The following TBC1D23 variants were observed in gnomAD, a reference collection of about 807,000 sequenced individuals.
The protein encoded by TBC1D23 is TBC1 domain family member 23, also known as HCV non-structural protein 4A-transactivated protein 1.
In TBC1D23, 55 loss-of-function variants were observed where a neutral mutation model predicts 91.4. That is an observed-to-expected ratio of 0.60 (90% CI 0.48 to 0.75). The LOEUF (loss-of-function observed/expected upper bound fraction) is 0.75, where lower values mean the gene tolerates loss of function less well. TBC1D23 is among the 30% of genes least tolerant of loss of function. The pLI, the probability that TBC1D23 is intolerant of heterozygous loss-of-function variation, is 0.00. For missense variants in TBC1D23, 725 were observed against 836.1 expected (o/e 0.87, Z 1.64); for synonymous variants, 289 against 281.0 (o/e 1.03, Z -0.28).
intron 10 of TBC1D23, among the ~76,000 whole-genome samples, chr3:100,299,991 T>C (rs1705394795): frequency 6.6e-6 from 1 of 152,178 alleles, no homozygotes. Context: ...TGTAATTGAG[T>C]AAGAATTCTG....
In TBC1D23 at chr3:100,323,772, G is replaced by C. The variant is rs1318391640; in HGVS notation, c.*104G>C. ...TGGAGACCTTTCATTTGCTCATGGG[G>C]CTGCTTAAATAGCAGGTCTAAGAAA... On this transcript the variant is annotated 3_prime_UTR_variant, in exon 19 of 19. Coordinates refer to ENST00000394144, the MANE Select transcript of TBC1D23 (RefSeq NM_001199198.3). The C allele has an allele frequency of 1.2e-5, 5 of 423,030 alleles. No homozygotes were observed. Among genetic ancestry groups the C allele is most frequent in the African/African-American group, 2.1e-5 (1 of 47,618 alleles). The allele number at this position is 423,030 out of a possible 1,614,324, so 26.2% of individuals were successfully genotyped here. A position where few individuals can be genotyped will look rare whatever the true frequency, so the allele number is the denominator to read the frequency against.
At chr3:100,270,212 G>A (rs1397536035) in intron 1 of TBC1D23, among the ~76,000 whole-genome samples, 1 of 152,078 alleles carries the variant, frequency 6.6e-6, no homozygotes, top group Non-Finnish European at 1.5e-5. Flanking sequence ...GCCTGTAGTA[G>A]GTGCTCAATA....
At chr3:100,269,050 G>A (rs572510169) in intron 1 of TBC1D23, among the ~76,000 whole-genome samples, 2 of 152,292 alleles carry the variant, frequency 1.3e-5, no homozygotes, top group South Asian at 4.1e-4. Flanking sequence ...TTCATGGATT[G>A]TGGATCAAAA....
rs182239303 is a variant in TBC1D23, at chr3:100,306,023, C to T, written c.1307-414C>T. ...TCTTTCCGTAACTGTTAATGGCTAACAATGCTTCTTTATTATGGGAGAGAT... is the reference window on the plus strand; with the variant it reads ...TCTTTCCGTAACTGTTAATGGCTAATAATGCTTCTTTATTATGGGAGAGAT... On this transcript the variant is annotated intron_variant, in intron 12 of 18. Coordinates refer to ENST00000394144, the MANE Select transcript of TBC1D23 (RefSeq NM_001199198.3). 4.7e-3 allele frequency among the ~76,000 whole-genome samples: 712 copies of T among 152,264 alleles called. 2 individuals carry two copies. The highest frequency in any genetic ancestry group is 6.4e-3 in the Non-Finnish European group (432 of 68,002).
At chr3:100,309,438 ACACT>A (rs1559813453) in intron 13 of TBC1D23, among the ~76,000 whole-genome samples, 1 of 152,140 alleles carries the variant, frequency 6.6e-6, no homozygotes. Context: ...TTCAGGCTCC[ACACT>A]CACATATGTG....
chr3:100,279,725 C>A lies in TBC1D23; in HGVS notation c.130C>A (p.Pro44Thr). The A allele has an allele frequency of 1.2e-6, 2 of 1,606,024 alleles. No homozygotes were observed. The highest frequency in any genetic ancestry group is 1.7e-6 in the Non-Finnish European group (2 of 1,174,346). Residue 44 changes from proline to threonine, a missense_variant, in exon 2 of 19, where the codon CCG becomes ACG. Pro to Thr is a conservative substitution (Grantham distance 38). Transcript: ENST00000394144. ...GTTGAGAAATATAATTCAAGGAAGA[C>A]CGCTGCCTGCTGATCTGAGGGCCAA... ...ETLRNIIQGR[P>T]LPADLRAKVW...
At chr3:100,275,809 A>G (rs1263753802) in intron 1 of TBC1D23, among the ~76,000 whole-genome samples, 1 of 152,244 alleles carries the variant, frequency 6.6e-6, no homozygotes, top group Non-Finnish European at 1.5e-5. Context: ...GTATATTCAT[A>G]TACAATGGAC....
chr3:100,281,876 G>A, intron 3 of TBC1D23, 29 bp downstream of exon 3: 1 of 1,428,660 alleles, frequency 7.0e-7, no homozygotes, highest in Non-Finnish European at 9.7e-7. Flanking sequence ...TTCAAGCAGA[G>A]TTAAATTTTG....
chr3:100,263,347 G>A (rs1180173803), intron 1 of TBC1D23, among the ~76,000 whole-genome samples: 1 of 152,186 alleles, frequency 6.6e-6, no homozygotes, highest in Non-Finnish European at 1.5e-5. Flanking sequence ...GGCGGGGCAG[G>A]GCATATTCAC....
At chr3:100,282,585 A>G (rs1312673804) in intron 3 of TBC1D23, among the ~76,000 whole-genome samples, 2 of 152,184 alleles carry the variant, frequency 1.3e-5, no homozygotes, top group Non-Finnish European at 2.9e-5. Context: ...AATGTGGATG[A>G]ATTTAGTTTA....
chr3:100,261,000 G>C lies in TBC1D23; in HGVS notation c.-19G>C. ...CGCCGGATCCACTTTTCGGCAAAGTGACGTGGACGTCAACAGCAATGGCGG... is the reference window on the plus strand; with the variant it reads ...CGCCGGATCCACTTTTCGGCAAAGTCACGTGGACGTCAACAGCAATGGCGG... On this transcript the variant is annotated 5_prime_UTR_variant, in exon 1 of 19. Coordinates refer to ENST00000394144, the MANE Select transcript of TBC1D23 (RefSeq NM_001199198.3). 6.2e-7 allele frequency: 1 copy of C among 1,612,958 alleles called. No individual in the cohort carries two copies. Among genetic ancestry groups the C allele is most frequent in the Non-Finnish European group, 8.5e-7 (1 of 1,178,954 alleles).
At chr3:100,297,694 T>TG (rs926569370) in intron 8 of TBC1D23, among the ~76,000 whole-genome samples, 1 of 78,630 alleles carries the variant, frequency 1.3e-5, no homozygotes. Context: ...ATTTAGAATG[T>TG]GTTTTTTTTT....
chr3:100,281,021 G>A (rs1345575402), intron 2 of TBC1D23, among the ~76,000 whole-genome samples: 3 of 152,092 alleles, frequency 2.0e-5, no homozygotes, highest in Non-Finnish European at 4.4e-5. Context: ...TTAGCTGGGC[G>A]TGGTGGTGGG....
At chr3:100,318,918 G>A in intron 16 of TBC1D23, 151 bp from the exon 17 acceptor site, 1 of 479,352 alleles carries the variant, frequency 2.1e-6, no homozygotes, top group East Asian at 3.9e-5. Flanking sequence ...CTCCCAAAGT[G>A]CTGTGATTGC....
intron 5 of TBC1D23, among the ~76,000 whole-genome samples, chr3:100,293,365 C>CCT (rs1484494264): frequency 1.3e-5 from 2 of 151,918 alleles, no homozygotes; most frequent in African/African-American, 4.8e-5. Flanking sequence ...GATCTCCTGA[C>CCT]CTCGTGATCC....
intron 4 of TBC1D23, among the ~76,000 whole-genome samples, chr3:100,287,320 A>G (rs1270524251): frequency 6.6e-6 from 1 of 152,146 alleles, no homozygotes; most frequent in Non-Finnish European, 1.5e-5. Context: ...TACCACTAGC[A>G]TGTCTTATTA....
At chr3:100,267,192 T>A in intron 1 of TBC1D23, 1 of 440,274 alleles carries the variant, frequency 2.3e-6, no homozygotes, top group Non-Finnish European at 4.5e-6. Flanking sequence ...TTAAACAGTT[T>A]GAAAAGGGGC....
At chr3:100,311,949 C>G in intron 15 of TBC1D23, 72 bp downstream of exon 15, 1 of 1,012,146 alleles carries the variant, frequency 9.9e-7, no homozygotes, top group Non-Finnish European at 1.5e-6. Context: ...ATCTATAAGC[C>G]TCATGCTGTC....
chr3:100,300,830 T>C (rs946776925), intron 10 of TBC1D23, among the ~76,000 whole-genome samples: 2 of 152,140 alleles, frequency 1.3e-5, no homozygotes, highest in African/African-American at 4.8e-5. Context: ...AAGAATATTA[T>C]CAGCTTACGT....
Sources: allele counts gnomAD v4.1 joint callset (sites outside exome capture counted in the v4.1 genomes callset), GRCh38; gene constraint gnomAD v4.1.1; transcripts MANE v1.5; gene names NCBI Gene and HGNC (gene_info 2026-07-23, HGNC 2026-07-21).